GALNT16: variants seen among roughly 807,000 people sequenced by gnomAD.
GALNT16 encodes UDP-GalNAc:polypeptide N-acetylgalactosaminyltransferase-like protein 1.
GALNT16 carries 40 observed loss-of-function variants against 76.1 expected under a neutral mutation model. The observed-to-expected ratio is 0.53, with a 90% CI of 0.41 to 0.68. The LOEUF is 0.68. Ranked by LOEUF, GALNT16 falls within the 30% of genes least tolerant of loss-of-function variation. The pLI, the probability that GALNT16 is intolerant of heterozygous loss-of-function variation, is 0.00. For missense variants in GALNT16, 621 were observed against 731.9 expected (o/e 0.85, Z 1.75); for synonymous variants, 276 against 285.2 (o/e 0.97, Z 0.32).
At chr14:69,346,114 G>A (rs932247172) in intron 12 of GALNT16, among the ~76,000 whole-genome samples, 7 of 151,472 alleles carry the variant, frequency 4.6e-5, no homozygotes, top group South Asian at 2.1e-4. Context: ...GGCTGGTCTC[G>A]AACTCCTGGT....
chr14:69,368,427 G>A, the GALNT16 span, among the ~76,000 whole-genome samples: 1 of 152,152 alleles, frequency 6.6e-6, no homozygotes, highest in East Asian at 1.9e-4. Flanking sequence ...TAGAGAATCT[G>A]CTTCCAAGCT....
intron 12 of GALNT16, among the ~76,000 whole-genome samples, chr14:69,344,223 T>C (rs2045533142): frequency 6.6e-6 from 1 of 152,262 alleles, no homozygotes; most frequent in African/African-American, 2.4e-5. Context: ...GCTCTGCAGC[T>C]GGCCTCAGGA....
At chr14:69,260,136 A>ACCTCCC, upstream of GALNT16, 9 of 113,994 alleles carry the variant, frequency 7.9e-5, 3 homozygotes, top group South Asian at 4.3e-4. Context: ...TCTCCCTATC[A>ACCTCCC]CCCCCCCGCC....
In GALNT16 at chr14:69,285,038, C is replaced by CT. The variant is rs1239622713; in HGVS notation, c.177+24572dup. Among the ~76,000 whole-genome samples the CT allele has an allele frequency of 2.6e-3, 333 of 130,490 alleles. 9 individuals carry two copies. The highest frequency in any genetic ancestry group is 7.7e-3 in the African/African-American group (276 of 35,734). The allele number at this position is 130,490 out of a possible 152,430, so 85.6% of individuals were successfully genotyped here. A position where few individuals can be genotyped will look rare whatever the true frequency, so the allele number is the denominator to read the frequency against. On this transcript the variant is annotated intron_variant, in intron 1 of 14. Transcript: ENST00000448469. ...TTTATATGTTACCCAGTCTCGGGCA[C>CT]TCTTTTTTTTTTTTTTTTTTGAGAC...
the GALNT16 span, among the ~76,000 whole-genome samples, chr14:69,369,239 C>T: frequency 6.6e-6 from 1 of 152,180 alleles, no homozygotes; most frequent in Non-Finnish European, 1.5e-5. Context: ...GGGATCATGG[C>T]AGACGGTCTT....
intron 1 of GALNT16, among the ~76,000 whole-genome samples, chr14:69,317,910 G>T (rs541164600): frequency 4.3e-4 from 65 of 152,294 alleles, no homozygotes; most frequent in African/African-American, 1.5e-3. Flanking sequence ...GTTACATATC[G>T]GAAGTAGAAC....
At chr14:69,373,094 T>C in the GALNT16 span, among the ~76,000 whole-genome samples, 1 of 152,144 alleles carries the variant, frequency 6.6e-6, no homozygotes, top group Non-Finnish European at 1.5e-5. Context: ...CCCAGAACTG[T>C]GGGATACTCT....
rs371240437 is a variant in GALNT16, at chr14:69,316,352, G to A, written c.178-4359G>A. Among the ~76,000 whole-genome samples, 14 of 152,292 alleles carry A rather than the reference G, an allele frequency of 9.2e-5. No individual in the cohort carries two copies. In the East Asian group the frequency reaches 1.7e-3, roughly 19 times the overall value. On this transcript the variant is annotated intron_variant, in intron 1 of 14. Transcript: ENST00000448469. Reference sequence around the variant, plus strand: ...TACAATCACCAAGGTTTTTCTCTGGGCTTTGGGATTCAGCATGAGACAAAA... The same window carrying A: ...TACAATCACCAAGGTTTTTCTCTGGACTTTGGGATTCAGCATGAGACAAAA...
intron 1 of GALNT16, among the ~76,000 whole-genome samples, chr14:69,275,037 T>C (rs921686519): frequency 6.6e-6 from 1 of 152,180 alleles, no homozygotes; most frequent in Admixed American, 6.5e-5. Flanking sequence ...CTTAGTTCCC[T>C]TATCTCTTCA....
At chr14:69,329,840 G>A (rs1466549765) in intron 6 of GALNT16, among the ~76,000 whole-genome samples, 1 of 152,048 alleles carries the variant, frequency 6.6e-6, no homozygotes, top group African/African-American at 2.4e-5. Context: ...CTGTCAGGAA[G>A]ACAACACCAA....
At chr14:69,300,475 C>T (rs932122348) in intron 1 of GALNT16, among the ~76,000 whole-genome samples, 5 of 152,180 alleles carry the variant, frequency 3.3e-5, no homozygotes, top group African/African-American at 1.2e-4. Context: ...GGAGCCCAGG[C>T]AGCATTCTCT....
At chr14:69,370,063 G>T in the GALNT16 span, among the ~76,000 whole-genome samples, 5 of 152,184 alleles carry the variant, frequency 3.3e-5, no homozygotes, top group African/African-American at 1.2e-4. Context: ...GCAGTCTAGG[G>T]AGGTGGTTAA....
chr14:69,333,371 AC>A lies in GALNT16; in HGVS notation c.864-125del, dbSNP rs940878897. The A allele has an allele frequency of 6.1e-5, 44 of 721,890 alleles. 1 individual carries two copies. Among genetic ancestry groups the A allele is most frequent in the Non-Finnish European group, 5.6e-5 (23 of 409,816 alleles). 44.7% of individuals were successfully genotyped at this position (721,890 alleles called of 1,614,324 possible). The stretch of plus-strand genomic sequence containing the variant: ...TGTGGGGGGCCAGGGAGCTGGCCAG[AC>A]ATCCTGCCCCAGTGACTCTGCAGGG... On this transcript the variant is annotated intron_variant, in intron 8 of 14. Coordinates refer to ENST00000448469, the MANE Select transcript of GALNT16 (RefSeq NM_001168368.2). This position sits in a 1 kb window ranked among gnomAD's most constrained non-coding sequence, Gnocchi z 4.2.
At chr14:69,316,615 G>A (rs959260337) in intron 1 of GALNT16, among the ~76,000 whole-genome samples, 6 of 152,174 alleles carry the variant, frequency 3.9e-5, no homozygotes, top group African/African-American at 1.4e-4. Flanking sequence ...CAGGAGGTTT[G>A]AGCAGGGCCC....
Position 69,277,230 on chromosome 14 carries a change from TTTA to T in GALNT16, c.177+16771_177+16773del, listed in dbSNP as rs984733812. On this transcript the variant is annotated intron_variant, in intron 1 of 14. Coordinates refer to ENST00000448469, the MANE Select transcript of GALNT16 (RefSeq NM_001168368.2). ...CTTTATTATTATATTTTCTCCTTTT[TTTA>T]TTATTATGCTTTAAGTTCTAGGGTA... 7.2e-5 allele frequency among the ~76,000 whole-genome samples: 11 copies of T among 152,354 alleles called. 1 individual carries two copies. The South Asian group carries it at 1.5e-3, about 20-fold the overall frequency.
At position 69,352,157 on chromosome 14, in the gene GALNT16, C is replaced by T; in HGVS notation, c.1666C>T (p.Pro556Ser). 6.2e-7 allele frequency: 1 copy of T among 1,611,148 alleles called. No individual in the cohort carries two copies. The highest frequency in any genetic ancestry group is 1.7e-5 in the Admixed American group (1 of 59,490). The change falls in exon 15 of 15, where the codon CCA (proline) becomes TCA (serine). Residue 556 changes from proline to serine, a missense_variant. Transcript: ENST00000448469. The part of the protein sequence containing the change: ...DAQAQQWQLL[P>S]HT ...CCAGGCCCAGCAGTGGCAGCTGTTGCCACACACATGACGGTAGCCCTGGGG... is the reference window on the plus strand; with the variant it reads ...CCAGGCCCAGCAGTGGCAGCTGTTGTCACACACATGACGGTAGCCCTGGGG...
chr14:69,287,479 C>T (rs1269736826), intron 1 of GALNT16, among the ~76,000 whole-genome samples: 4 of 152,230 alleles, frequency 2.6e-5, no homozygotes, highest in Non-Finnish European at 4.4e-5. Context: ...TAGCACACAG[C>T]GTTTCCCTTT....
chr14:69,339,494 G>A, intron 10 of GALNT16, 33 bp from the exon 11 acceptor site: 1 of 1,305,182 alleles, frequency 7.7e-7, no homozygotes, highest in Non-Finnish European at 1.1e-6. Flanking sequence ...TGCTTCCCTG[G>A]TGACCTTATT....
At chr14:69,368,758 C>G in the GALNT16 span, among the ~76,000 whole-genome samples, 1 of 152,140 alleles carries the variant, frequency 6.6e-6, no homozygotes, top group African/African-American at 2.4e-5. Flanking sequence ...CCAAGCTGGG[C>G]CAGTCCAGTC....
Sources: allele counts gnomAD v4.1 joint callset (sites outside exome capture counted in the v4.1 genomes callset), GRCh38; gene constraint gnomAD v4.1.1; non-coding constraint Gnocchi (gnomAD v3.1); transcripts MANE v1.5; gene names NCBI Gene and HGNC (gene_info 2026-07-23, HGNC 2026-07-21).